The following DRC3 variants were observed in gnomAD, a reference collection of about 807,000 sequenced individuals.
The protein encoded by DRC3 is dynein regulatory complex subunit 3.
Under a neutral mutation model 57.6 loss-of-function variants are expected in DRC3, and 45 were observed. The ratio of observed to expected loss-of-function variants is 0.78; its 90% confidence interval spans 0.62 to 1.00. The LOEUF is 1.00. DRC3 is among the 50% of genes least tolerant of loss of function. The pLI is 0.00. For missense variants in DRC3, 655 were observed against 675.2 expected (o/e 0.97, Z 0.33); for synonymous variants, 257 against 272.3 (o/e 0.94, Z 0.55).
intron 12 of DRC3, 190 bp from the exon 13 acceptor site, chr17:18,015,874 G>C (rs1443409850): frequency 3.2e-6 from 2 of 616,648 alleles, no homozygotes; most frequent in African/African-American, 3.7e-5. Context: ...GCCCTGTGCA[G>C]TTGGGGAAGC....
At chr17:18,014,222 C>T (rs1300343555) in intron 12 of DRC3, among the ~76,000 whole-genome samples, 4 of 152,290 alleles carry the variant, frequency 2.6e-5, no homozygotes, top group East Asian at 1.9e-4. Flanking sequence ...ACACCGTGCC[C>T]GGCCAGTGCC....
At chr17:17,985,290 A>G (rs763719266) in intron 4 of DRC3, among the ~76,000 whole-genome samples, 3 of 151,960 alleles carry the variant, frequency 2.0e-5, no homozygotes, top group African/African-American at 4.8e-5. Context: ...CATTCCCCCA[A>G]CCCCTTGCAG....
intron 12 of DRC3, chr17:18,015,861 C>T: frequency 1.7e-6 from 1 of 575,784 alleles, no homozygotes; most frequent in Non-Finnish European, 3.1e-6. Context: ...CCCCACAACA[C>T]CTGCCCTGTG....
chr17:18,004,584 G>A, intron 10 of DRC3, 90 bp downstream of exon 10: 1 of 1,463,226 alleles, frequency 6.8e-7, no homozygotes, highest in Non-Finnish European at 9.3e-7. Flanking sequence ...GCACGCCTCT[G>A]CTGGAAACGT....
rs575193116 is a variant in DRC3 at position 18,007,300 on chromosome 17, G to A, written c.1326+153G>A. The A allele has an allele frequency of 4.6e-4, 568 of 1,240,378 alleles. 2 individuals are homozygous for A. In the African/African-American group the frequency reaches 7.3e-3, roughly 16 times the overall value. 76.8% of individuals were successfully genotyped at this position (1,240,378 alleles called of 1,614,324 possible). On this transcript the variant is annotated intron_variant, in intron 12 of 13. Coordinates refer to ENST00000399187, the MANE Select transcript of DRC3 (RefSeq NM_031294.4). ...ACTAACCTGCTTTACAGGGTTGCTGGCAGATAAAATAGGCTAACAAAGCAC... is the reference window on the plus strand; with the variant it reads ...ACTAACCTGCTTTACAGGGTTGCTGACAGATAAAATAGGCTAACAAAGCAC...
chr17:17,979,952 T>G (rs1187400082), intron 3 of DRC3, among the ~76,000 whole-genome samples: 1 of 151,886 alleles, frequency 6.6e-6, no homozygotes, highest in Non-Finnish European at 1.5e-5. Context: ...GGAAGGGCAG[T>G]CCCACCCAGC....
intron 11 of DRC3, chr17:18,006,533 C>T: frequency 3.9e-6 from 2 of 513,144 alleles, no homozygotes; most frequent in Admixed American, 3.2e-5. Context: ...TGAGGCAACC[C>T]CCACGTGGAA....
intron 4 of DRC3, among the ~76,000 whole-genome samples, chr17:17,985,233 A>G (rs775539856): frequency 6.6e-6 from 1 of 152,146 alleles, no homozygotes; most frequent in Admixed American, 6.5e-5. Flanking sequence ...ACAGAAGCTT[A>G]TTTTCCTACT....
chr17:18,004,385 A>G lies in DRC3; in HGVS notation c.1022A>G (p.Glu341Gly). 1 of 1,606,130 alleles carries G rather than the reference A, an allele frequency of 6.2e-7. No homozygotes were observed. Among genetic ancestry groups the G allele is most frequent in the Non-Finnish European group, 8.5e-7 (1 of 1,175,968 alleles). ...HLSSLSAIREELELPNIEKMI... is the reference protein window; with the variant it reads ...HLSSLSAIREGLELPNIEKMI... Reference sequence around the variant, plus strand: ...TAGAGTTTAAGTGCCATTCGAGAGGAGTTGGAACTGCCCAACATTGAGAAG... The same window carrying G: ...TAGAGTTTAAGTGCCATTCGAGAGGGGTTGGAACTGCCCAACATTGAGAAG... Residue 341 changes from glutamate to glycine, a missense_variant, in exon 10 of 14, where the codon GAG becomes GGG. Physicochemically the swap from Glu to Gly is moderately conservative, Grantham distance 98. Transcript: ENST00000399187.
intron 6 of DRC3, 153 bp from the exon 7 acceptor site, chr17:17,994,146 C>T (rs1462472671): frequency 7.1e-6 from 7 of 988,166 alleles, no homozygotes; most frequent in South Asian, 1.7e-5. Flanking sequence ...TTCTCATCCA[C>T]GAGACCTCAT....
intron 3 of DRC3, among the ~76,000 whole-genome samples, chr17:17,983,040 T>C (rs1358810675): frequency 1.3e-5 from 2 of 152,320 alleles, no homozygotes; most frequent in African/African-American, 4.8e-5. Flanking sequence ...CTTATACATA[T>C]GTGTTTTTCA....
At chr17:17,973,492 G>A (rs559950134) in intron 1 of DRC3, among the ~76,000 whole-genome samples, 3 of 152,226 alleles carry the variant, frequency 2.0e-5, no homozygotes, top group East Asian at 3.9e-4. Context: ...TGGGAAATAA[G>A]GGCATTAGGA....
In DRC3 at chr17:17,992,795, C is replaced by T. The variant is rs745843407; in HGVS notation, c.475C>T (p.Arg159Trp). 11 of 1,613,510 alleles carry T rather than the reference C, an allele frequency of 6.8e-6. No individual in the cohort carries two copies. The highest frequency in any genetic ancestry group is 1.1e-5 in the South Asian group (1 of 91,024). The change falls in exon 6 of 14, where the codon CGG becomes TGG. Residue 159 changes from arginine to tryptophan, a missense_variant. By Grantham distance (101) the Arg-to-Trp change is moderately radical (BLOSUM62 -3). Transcript: ENST00000399187. ...CTACCTCCGGCGGTTCAAGTGCCTG[C>T]GGACGCTCAGCCTCTCTAGGAACCC... ...IIYLRRFKCL[R>W]TLSLSRNPIS...
intron 9 of DRC3, among the ~76,000 whole-genome samples, chr17:18,000,247 AGT>A (rs34029124): frequency 0.013 from 736 of 58,404 alleles, 2 homozygotes; most frequent in Middle Eastern, 0.02. Context: ...CTTTCACGTG[AGT>A]GTGTGTGTGT....
At position 17,988,065 on chromosome 17, in the gene DRC3, G is replaced by T; in HGVS notation, c.411G>T (p.Ser137=). 6.2e-7 allele frequency: 1 copy of T among 1,613,870 alleles called. No individual in the cohort carries two copies. Among genetic ancestry groups the T allele is most frequent in the Non-Finnish European group, 8.5e-7 (1 of 1,179,866 alleles). Residue 137 remains serine, a synonymous_variant, in exon 5 of 14, where the codon TCG becomes TCT. Transcript: ENST00000399187. ...CCCTCGTCAAGCTGCAGGTGTTGTCGCTGGGCAACAACCGGATTGACAACA... is the reference window on the plus strand; with the variant it reads ...CCCTCGTCAAGCTGCAGGTGTTGTCTCTGGGCAACAACCGGATTGACAACA... ...LDALVKLQVL[S]LGNNRIDNMM...
At chr17:17,974,929 A>C (rs2042312648) in intron 2 of DRC3, among the ~76,000 whole-genome samples, 3 of 152,238 alleles carry the variant, frequency 2.0e-5, no homozygotes, top group South Asian at 4.1e-4. Context: ...ACACAAATGC[A>C]GAAGGGAGAA....
At chr17:18,010,429 A>G (rs1196613257) in intron 12 of DRC3, among the ~76,000 whole-genome samples, 2 of 152,214 alleles carry the variant, frequency 1.3e-5, no homozygotes, top group Non-Finnish European at 2.9e-5. Context: ...TGCAATCCCC[A>G]TCAAAACACC....
In DRC3 at chr17:18,016,140, G is replaced by GTT. The variant is rs2044354646; in HGVS notation, c.1403_1404insTT (p.Glu469Ter). The GTT allele has an allele frequency of 6.2e-7, 1 of 1,613,840 alleles. No individual in the cohort carries two copies. Among genetic ancestry groups the GTT allele is most frequent in the Admixed American group, 1.7e-5 (1 of 60,000 alleles). On this transcript the variant is annotated frameshift_variant, in exon 13 of 14. Coordinates refer to ENST00000399187, the MANE Select transcript of DRC3 (RefSeq NM_031294.4). LOFTEE classifies it high-confidence loss of function. The stretch of plus-strand genomic sequence containing the variant: ...ATCCACCTCCTGAAGATTGACAATC[G>GTT]AGAAGATGAGCTGGTGACCAGAATC...
chr17:17,992,852 A>G lies in DRC3; in HGVS notation c.532A>G (p.Ile178Val), dbSNP rs1343256059. The G allele has an allele frequency of 1.9e-6, 3 of 1,613,840 alleles. No homozygotes were observed. Among genetic ancestry groups the G allele is most frequent in the Admixed American group, 1.7e-5 (1 of 60,006 alleles). ...TGAGGCAGAGGATTACAAGATGTTC[A>G]TCTGTGCCTACCTTCCTGACCTCAT... ...ISEAEDYKMF[I>V]CAYLPDLMYL... The change falls in exon 6 of 14, where the codon ATC becomes GTC. Residue 178 changes from isoleucine to valine, a missense_variant. Physicochemically the swap from Ile to Val is conservative, Grantham distance 29. Coordinates refer to ENST00000399187, the MANE Select transcript of DRC3 (RefSeq NM_031294.4).
Sources: allele counts gnomAD v4.1 joint callset (sites outside exome capture counted in the v4.1 genomes callset), GRCh38; gene constraint gnomAD v4.1.1; transcripts MANE v1.5; gene names NCBI Gene and HGNC (gene_info 2026-07-23, HGNC 2026-07-21).